Variants in KCNN3 observed in about 807,000 individuals in gnomAD.
KCNN3 encodes the protein small conductance calcium-activated potassium channel protein 3.
In KCNN3, 16 loss-of-function variants were observed where a neutral mutation model predicts 62.9. The ratio of observed to expected loss-of-function variants is 0.25; its 90% confidence interval spans 0.17 to 0.39. The LOEUF is 0.39. KCNN3 is among the 10% of genes least tolerant of loss of function. KCNN3 has a pLI of 1.00. For missense variants in KCNN3, 599 were observed against 949.4 expected (o/e 0.63, Z 4.85); for synonymous variants, 370 against 389.2 (o/e 0.95, Z 0.58).
At chr1:154,854,846 T>G (rs924036831) in intron 1 of KCNN3, among the ~76,000 whole-genome samples, 1 of 152,124 alleles carries the variant, frequency 6.6e-6, no homozygotes, top group Non-Finnish European at 1.5e-5. Context: ...ACTTATAGAG[T>G]AAGAATATAA....
rs752957568 is a variant in KCNN3 at position 154,772,419 on chromosome 1, T to G, written c.1030-26A>C. Reference sequence around the variant, plus strand: ...CTGGTGGGAGCAGAAAGTCCATTAGTGTGGCCAGGACCAGGAAGCCCACAG... The same window carrying G: ...CTGGTGGGAGCAGAAAGTCCATTAGGGTGGCCAGGACCAGGAAGCCCACAG... On this transcript the variant is annotated intron_variant, in intron 2 of 7. Transcript: ENST00000271915. The surrounding 1 kb of genome is among the most constrained non-coding windows in gnomAD (Gnocchi z 5.6). 1.2e-6 allele frequency: 2 copies of G among 1,612,342 alleles called. No homozygotes were observed. The highest frequency in any genetic ancestry group is 1.1e-5 in the South Asian group (1 of 90,704).
At chr1:154,783,000 C>T (rs1649116730) in intron 2 of KCNN3, among the ~76,000 whole-genome samples, 1 of 152,176 alleles carries the variant, frequency 6.6e-6, no homozygotes, top group Non-Finnish European at 1.5e-5. Flanking sequence ...ATCATGAGGT[C>T]AGGAGATTGA....
intron 2 of KCNN3, among the ~76,000 whole-genome samples, chr1:154,799,321 C>A (rs980524696): frequency 6.6e-6 from 1 of 152,184 alleles, no homozygotes; most frequent in Non-Finnish European, 1.5e-5. Context: ...AGCATTAATG[C>A]CAAATGGATT....
chr1:154,702,798 C>T lies in KCNN3; in HGVS notation c.*5178G>A, dbSNP rs541112169. The T allele has an allele frequency of 7.0e-6, 1 of 142,966 alleles. No individual in the cohort carries two copies. Among genetic ancestry groups the T allele is most frequent in the African/African-American group, 2.6e-5 (1 of 38,910 alleles). The allele number at this position is 142,966 out of a possible 1,614,324, so 8.9% of individuals were successfully genotyped here. On this transcript the variant is annotated 3_prime_UTR_variant, in exon 8 of 8. Transcript: ENST00000271915. Reference sequence around the variant, plus strand: ...TGTCAACATCTCTTTGGGATCCTAACTGCAGGTTGGAGTTGAATTTTGTGC... The same window carrying T: ...TGTCAACATCTCTTTGGGATCCTAATTGCAGGTTGGAGTTGAATTTTGTGC...
intron 1 of KCNN3, among the ~76,000 whole-genome samples, chr1:154,858,325 A>G (rs1652617722): frequency 6.6e-6 from 1 of 152,174 alleles, no homozygotes; most frequent in Non-Finnish European, 1.5e-5. Context: ...CAGCATGGAC[A>G]AGAGCCCCCT....
chr1:154,846,512 A>G (rs1218561), intron 1 of KCNN3, among the ~76,000 whole-genome samples: 147,260 of 152,272 alleles, frequency 0.97, 71,400 homozygotes, highest in East Asian at 1. Context: ...GCCGGTACAC[A>G]GCAATAACAA....
chr1:154,703,707 G>A lies in KCNN3; in HGVS notation c.*4269C>T, dbSNP rs923679606. The A allele has an allele frequency of 6.6e-6, 1 of 152,116 alleles. No homozygotes were observed. 9.4% of individuals were successfully genotyped at this position (152,116 alleles called of 1,614,324 possible). The stretch of plus-strand genomic sequence containing the variant: ...GAGGAGGAAGGTTCTGGAACTACGT[G>A]CTAATCCCATATTTCTCCCTGCTGA... On this transcript the variant is annotated 3_prime_UTR_variant, in exon 8 of 8. Transcript: ENST00000271915.
chr1:154,725,907 G>A lies in KCNN3; in HGVS notation c.1701+9C>T. The A allele has an allele frequency of 1.9e-6, 3 of 1,604,458 alleles. No individual in the cohort carries two copies. Among genetic ancestry groups the A allele is most frequent in the South Asian group, 2.2e-5 (2 of 90,854 alleles). ...GTCCCCCATAAGACATGGCTGTGTG[G>A]CATCTTACCCGCTTGGTGAGCTGAG... On this transcript the variant is annotated intron_variant, in intron 5 of 7. Coordinates refer to ENST00000271915, the MANE Select transcript of KCNN3 (RefSeq NM_002249.6).
chr1:154,815,314 A>G (rs952244004), intron 2 of KCNN3, among the ~76,000 whole-genome samples: 10 of 152,270 alleles, frequency 6.6e-5, no homozygotes, highest in African/African-American at 2.2e-4. Context: ...GGACAGGCAC[A>G]GCTTCCTTCT....
intron 3 of KCNN3, among the ~76,000 whole-genome samples, chr1:154,761,421 T>C (rs1255589360): frequency 6.6e-6 from 1 of 151,936 alleles, no homozygotes; most frequent in Non-Finnish European, 1.5e-5. Context: ...TGAGCCAAGA[T>C]TGCGCCACTG....
chr1:154,735,932 C>T (rs1275043693), intron 3 of KCNN3, among the ~76,000 whole-genome samples: 1 of 152,240 alleles, frequency 6.6e-6, no homozygotes, highest in Admixed American at 6.5e-5. Context: ...CTCCACGCCA[C>T]AAGCCTGCAA....
At position 154,799,083 on chromosome 1, in the gene KCNN3, A is replaced by G. The variant is rs139736693; in HGVS notation, c.1029+23006T>C. Among the ~76,000 whole-genome samples the G allele has an allele frequency of 2.3e-3, 352 of 152,010 alleles. 6 individuals carry two copies. Among genetic ancestry groups the G allele is most frequent in the African/African-American group, 7.8e-3 (325 of 41,468 alleles). ...AGGTATGCACAACCATGCCTGGCTAATTTTTGTATTTTTAGTAGAGATGGG... is the reference window on the plus strand; with the variant it reads ...AGGTATGCACAACCATGCCTGGCTAGTTTTTGTATTTTTAGTAGAGATGGG... On this transcript the variant is annotated intron_variant, in intron 2 of 7. Transcript: ENST00000271915.
chr1:154,859,342 AG>A, intron 1 of KCNN3, among the ~76,000 whole-genome samples: 1 of 152,250 alleles, frequency 6.6e-6, no homozygotes, highest in Non-Finnish European at 1.5e-5. Flanking sequence ...ACTCAGGCAA[AG>A]GGGCTAGGAG....
At chr1:154,855,034 A>G (rs1652464290) in intron 1 of KCNN3, among the ~76,000 whole-genome samples, 1 of 152,138 alleles carries the variant, frequency 6.6e-6, no homozygotes, top group Admixed American at 6.5e-5. Context: ...CCTAGCCTAC[A>G]TGGAGAAACT....
At chr1:154,837,567 A>G (rs1651643755) in intron 1 of KCNN3, among the ~76,000 whole-genome samples, 1 of 152,144 alleles carries the variant, frequency 6.6e-6, no homozygotes, top group African/African-American at 2.4e-5. Context: ...AAGGCAGCAG[A>G]ACGAGTGATG....
intron 3 of KCNN3, among the ~76,000 whole-genome samples, chr1:154,746,833 T>C (rs1700948498): frequency 6.6e-6 from 1 of 152,198 alleles, no homozygotes; most frequent in Non-Finnish European, 1.5e-5. Context: ...TTGCACCCAC[T>C]GGGTGGCCAG....
At chr1:154,784,959 GC>G (rs10706291) in intron 2 of KCNN3, among the ~76,000 whole-genome samples, 151,223 of 152,358 alleles carry the variant, frequency 0.99, 75,058 homozygotes, top group Middle Eastern at 1. Context: ...TGTGTGTGCT[GC>G]CCCCAGGCTG....
intron 2 of KCNN3, among the ~76,000 whole-genome samples, chr1:154,794,192 T>C (rs1487709677): frequency 6.6e-6 from 1 of 152,244 alleles, no homozygotes; most frequent in Non-Finnish European, 1.5e-5. Flanking sequence ...TCTAGGCTCC[T>C]TGGAGTACTT....
chr1:154,813,479 C>T (rs928716566), intron 2 of KCNN3, among the ~76,000 whole-genome samples: 10 of 152,060 alleles, frequency 6.6e-5, no homozygotes, highest in South Asian at 4.1e-4. Flanking sequence ...GGCGACGCAC[C>T]GCCTTCCCAT....
Sources: gnomAD v4.1 joint callset for allele counts (sites outside exome capture counted in the v4.1 genomes callset) on GRCh38, gnomAD v4.1.1 for gene constraint, Gnocchi (gnomAD v3.1) non-coding constraint, MANE v1.5 for transcripts, NCBI Gene and HGNC (gene_info 2026-07-23, HGNC 2026-07-21) for gene names.